Variants in HNF1A observed in about 807,000 individuals in gnomAD.
HNF1A encodes the protein hepatocyte nuclear factor 1-alpha.
In HNF1A, 21 loss-of-function variants were observed where a neutral mutation model predicts 62.2. That is an observed-to-expected ratio of 0.34 (90% CI 0.24 to 0.49). The LOEUF (loss-of-function observed/expected upper bound fraction) is 0.49. Among genes scored for constraint, HNF1A ranks in the 20% least tolerant of loss-of-function variants. The pLI is 0.99. For synonymous variants in HNF1A, 374 were observed against 366.8 expected, an observed-to-expected ratio of 1.02 and a Z score of -0.22; for missense variants, 687 against 832.3, an observed-to-expected ratio of 0.83 and a Z score of 2.15.
intron 1 of HNF1A, among the ~76,000 whole-genome samples, chr12:120,985,293 G>A (rs1472372547): frequency 6.6e-6 from 1 of 150,546 alleles, no homozygotes; most frequent in Non-Finnish European, 1.5e-5. Context: ...TGTTGTCCAG[G>A]CTGGTCTTGA....
rs754994233 is a variant in HNF1A at position 121,001,240 on chromosome 12, T to G, written c.*48T>G. On this transcript the variant is annotated 3_prime_UTR_variant, in exon 10 of 10. Coordinates refer to ENST00000257555, the MANE Select transcript of HNF1A (RefSeq NM_000545.8). ...CCTGTACTGCCTGCTTGGGGGGTGA[T>G]GAGGGCAGCAGCCAGCCCTGCCTGG... 5 of 1,608,512 alleles carry G rather than the reference T, an allele frequency of 3.1e-6. No individual in the cohort carries two copies. The highest frequency in any genetic ancestry group is 2.7e-5 in the African/African-American group (2 of 74,802).
At position 121,001,561 on chromosome 12, in the gene HNF1A, A is replaced by C. The variant is rs1592901400; in HGVS notation, c.*369A>C. On this transcript the variant is annotated 3_prime_UTR_variant, in exon 10 of 10. Coordinates refer to ENST00000257555, the MANE Select transcript of HNF1A (RefSeq NM_000545.8). ...TGGAGAGCCCTGGGACCGCTACACC[A>C]CTCTGGCAGCCACACTTCTCAGGAC... 5 of 439,864 alleles carry C rather than the reference A, an allele frequency of 1.1e-5. No homozygotes were observed. The highest frequency in any genetic ancestry group is 1.1e-4 in the South Asian group (5 of 47,426). The allele number at this position is 439,864 out of a possible 1,614,324, so 27.2% of individuals were successfully genotyped here.
At position 120,999,361 on chromosome 12, in the gene HNF1A, C is replaced by T. The variant is rs757094600; in HGVS notation, c.1595C>T (p.Ala532Val). 6.2e-7 allele frequency: 1 copy of T among 1,614,052 alleles called. No homozygotes were observed. Among genetic ancestry groups the T allele is most frequent in the Non-Finnish European group, 8.5e-7 (1 of 1,180,018 alleles). Residue 532 changes from alanine to valine, a missense_variant, in exon 8 of 10, where the codon GCC becomes GTC. By Grantham distance (64) the Ala-to-Val change is moderately conservative (BLOSUM62 0). Around this residue, in one of 5 missense-constraint regions of HNF1A, gnomAD observed 408 missense variants for 455.3 expected, o/e 0.90. Coordinates refer to ENST00000257555, the MANE Select transcript of HNF1A (RefSeq NM_000545.8). ...ATCACCGACACCACCAACCTGAGCG[C>T]CCTGGCCAGCCTCACGCCCACCAAG... ...MLITDTTNLS[A>V]LASLTPTKQV...
intron 2 of HNF1A, among the ~76,000 whole-genome samples, chr12:120,990,181 G>T (rs547696354): frequency 6.6e-6 from 1 of 151,722 alleles, no homozygotes; most frequent in Non-Finnish European, 1.5e-5. Flanking sequence ...TCACTCTGTT[G>T]CCCAGGCTGG....
chr12:120,986,948 G>C (rs80322811), intron 1 of HNF1A, among the ~76,000 whole-genome samples: 2,964 of 152,240 alleles, frequency 0.019, 39 homozygotes, highest in South Asian at 0.077. Context: ...GGCAGGGATT[G>C]AGACAGAGCA....
At chr12:121,001,006 G>A in intron 9 of HNF1A, 59 bp from the exon 10 acceptor site, 1 of 1,607,238 alleles carries the variant, frequency 6.2e-7, no homozygotes, top group Non-Finnish European at 8.5e-7. Flanking sequence ...CTAGGGACAG[G>A]CAGGTGGGGT....
chr12:120,990,372 G>C (rs1170458641), intron 2 of HNF1A, among the ~76,000 whole-genome samples: 1 of 152,022 alleles, frequency 6.6e-6, no homozygotes, highest in Admixed American at 6.6e-5. Context: ...CTCGTGATCC[G>C]CCCGCCTTGG....
At chr12:120,999,131 A>C (rs538904441) in intron 7 of HNF1A, 137 bp from the exon 8 acceptor site, 1 of 1,058,248 alleles carries the variant, frequency 9.4e-7, no homozygotes, top group South Asian at 1.3e-5. Context: ...AGTTTTGAAA[A>C]TCAGCCCTGG....
intron 1 of HNF1A, among the ~76,000 whole-genome samples, chr12:120,988,565 G>A (rs939175343): frequency 6.6e-6 from 1 of 152,196 alleles, no homozygotes; most frequent in Non-Finnish European, 1.5e-5. Context: ...TCCAGTGTCT[G>A]TATCCATAGG....
Position 121,001,361 on chromosome 12 carries a change from G to C in HNF1A, c.*169G>C. 1.2e-6 allele frequency: 1 copy of C among 856,146 alleles called. No homozygotes were observed. Among genetic ancestry groups the C allele is most frequent in the East Asian group, 2.7e-5 (1 of 37,426 alleles). 53.0% of individuals were successfully genotyped at this position (856,146 alleles called of 1,614,324 possible). A position where few individuals can be genotyped will look rare whatever the true frequency, so the allele number is the denominator to read the frequency against. On this transcript the variant is annotated 3_prime_UTR_variant, in exon 10 of 10. Transcript: ENST00000257555. ...TGCATCAGAAAGGGAGGGCTCTGAG[G>C]CGCCCCAACCCGTGGAGGCTGCTCG...
intron 1 of HNF1A, among the ~76,000 whole-genome samples, chr12:120,980,422 C>T (rs768417710): frequency 6.6e-6 from 1 of 151,920 alleles, no homozygotes; most frequent in East Asian, 1.9e-4. Context: ...GGGAGCCTCC[C>T]GAGGGCCTGG....
chr12:120,978,585 G>A lies in HNF1A; in HGVS notation c.-184G>A. 1 of 654,356 alleles carries A rather than the reference G, an allele frequency of 1.5e-6. No homozygotes were observed. The highest frequency in any genetic ancestry group is 2.7e-5 in the East Asian group (1 of 36,804). The allele number at this position is 654,356 out of a possible 1,614,324, so 40.5% of individuals were successfully genotyped here. ...AACAGGCAGGGGCCCTGATTCACGG[G>A]CCGCTGGGGCCAGGGTTGGGGGTTG... On this transcript the variant is annotated 5_prime_UTR_variant, in exon 1 of 10. Transcript: ENST00000257555.
chr12:120,982,505 T>G (rs1876308063), intron 1 of HNF1A, among the ~76,000 whole-genome samples: 1 of 152,088 alleles, frequency 6.6e-6, no homozygotes. Flanking sequence ...AAAGCCAGAC[T>G]GCCTGCATCC....
chr12:120,990,625 G>A (rs1430698573), intron 2 of HNF1A, among the ~76,000 whole-genome samples: 3 of 141,036 alleles, frequency 2.1e-5, no homozygotes, highest in South Asian at 2.4e-4. Flanking sequence ...GATAGGAAAG[G>A]GAGGAAAGAT....
At chr12:120,999,708 T>C (rs764786043) in intron 9 of HNF1A, 81 bp downstream of exon 9, 5 of 1,515,868 alleles carry the variant, frequency 3.3e-6, no homozygotes, top group Non-Finnish European at 4.4e-6. Context: ...TTGCTGTCCG[T>C]CACTGTGGGG....
chr12:120,981,546 C>T (rs1462884053), intron 1 of HNF1A, among the ~76,000 whole-genome samples: 3 of 152,228 alleles, frequency 2.0e-5, no homozygotes, highest in Non-Finnish European at 2.9e-5. Context: ...GCCTTTGCTG[C>T]AGTCATTTTG....
At chr12:120,979,455 T>C (rs1368332790) in intron 1 of HNF1A, among the ~76,000 whole-genome samples, 1 of 152,192 alleles carries the variant, frequency 6.6e-6, no homozygotes, top group African/African-American at 2.4e-5. Context: ...TGATCATTTA[T>C]ACTCTCCAGA....
Position 120,979,191 on chromosome 12 carries a change from T to G in HNF1A, c.326+97T>G, listed in dbSNP as rs1018995883. ...CCTTCTGAGTTGAGTCCCCATGACC[T>G]TCAGCCTTTAGCCTAGTTGCTGGGA... On this transcript the variant is annotated intron_variant, in intron 1 of 9. Coordinates refer to ENST00000257555, the MANE Select transcript of HNF1A (RefSeq NM_000545.8). 3 of 1,109,212 alleles carry G rather than the reference T, an allele frequency of 2.7e-6. No individual in the cohort carries two copies. In the African/African-American group the frequency reaches 4.6e-5, roughly 17 times the overall value. 68.7% of individuals were successfully genotyped at this position (1,109,212 alleles called of 1,614,324 possible).
chr12:121,001,520 C>A lies in HNF1A; in HGVS notation c.*328C>A. The A allele has an allele frequency of 2.2e-6, 1 of 453,466 alleles. No individual in the cohort carries two copies. The highest frequency in any genetic ancestry group is 4.1e-6 in the Non-Finnish European group (1 of 241,202). 28.1% of individuals were successfully genotyped at this position (453,466 alleles called of 1,614,324 possible). A position where few individuals can be genotyped will look rare whatever the true frequency, so the allele number is the denominator to read the frequency against. On this transcript the variant is annotated 3_prime_UTR_variant, in exon 10 of 10. Coordinates refer to ENST00000257555, the MANE Select transcript of HNF1A (RefSeq NM_000545.8). Reference sequence around the variant, plus strand: ...AGGGGGCGGCCTATGACTTGGGCACCCCCAGCCTGGGCCTATGGAGAGCCC... The same window carrying A: ...AGGGGGCGGCCTATGACTTGGGCACACCCAGCCTGGGCCTATGGAGAGCCC...
Sources: gnomAD v4.1 joint callset for allele counts (sites outside exome capture counted in the v4.1 genomes callset) on GRCh38, gnomAD v4.1.1 for gene constraint, gnomAD v4.1.1 regional missense constraint, MANE v1.5 for transcripts, NCBI Gene and HGNC (gene_info 2026-07-23, HGNC 2026-07-21) for gene names.